HECTD4: variants seen among roughly 807,000 people sequenced by gnomAD.
HECTD4 encodes HECT domain E3 ubiquitin protein ligase 4.
A neutral mutation model predicts 471.5 loss-of-function variants in HECTD4; 114 were observed. The observed-to-expected ratio is 0.24, with a 90% CI of 0.21 to 0.28. The LOEUF is 0.28. Ranked by LOEUF, HECTD4 falls within the 10% of genes least tolerant of loss-of-function variation. The pLI, the probability that HECTD4 is intolerant of heterozygous loss-of-function variation, is 1.00. For synonymous variants in HECTD4, 2,012 were observed against 2,256.0 expected (o/e 0.89, Z 3.07); for missense variants, 3,866 against 5,651.5 (o/e 0.68, Z 10.13).
chr12:112,246,906 G>A lies in HECTD4; in HGVS notation c.4508C>T (p.Thr1503Ile). 5 of 1,611,864 alleles carry A rather than the reference G, an allele frequency of 3.1e-6. No homozygotes were observed. The highest frequency in any genetic ancestry group is 4.2e-6 in the Non-Finnish European group (5 of 1,179,684). ...GGGCTATCTTTGAGCAGTACCTGGT[G>A]TTTCAGCAGGGGTCCCAGAGATGCT... ...TRSISGTPAETPACKSASETK... is the reference protein window; with the variant it reads ...TRSISGTPAEIPACKSASETK... The change falls in exon 29 of 76, where the codon ACA becomes ATA. Residue 1503 changes from threonine to isoleucine, a missense_variant. Thr to Ile is a moderately conservative substitution (Grantham distance 89). Transcript: ENST00000682272.
At position 112,228,609 on chromosome 12, in the gene HECTD4, T is replaced by G. The variant is rs1157268605; in HGVS notation, c.6684+38A>C. ...AGACTCATTACAGTACAGTTACCAT[T>G]GGCAGACATTTTACAAAGCATTTAA... On this transcript the variant is annotated intron_variant, in intron 42 of 75. Coordinates refer to ENST00000682272, the MANE Select transcript of HECTD4 (RefSeq NM_001388303.1). The surrounding 1 kb of genome is among the most constrained non-coding windows in gnomAD (Gnocchi z 4.9). 1 of 1,568,362 alleles carries G rather than the reference T, an allele frequency of 6.4e-7. No individual in the cohort carries two copies. Among genetic ancestry groups the G allele is most frequent in the African/African-American group, 1.4e-5 (1 of 73,280 alleles).
intron 1 of HECTD4, among the ~76,000 whole-genome samples, chr12:112,360,082 A>G (rs1365653793): frequency 6.6e-6 from 1 of 152,248 alleles, no homozygotes; most frequent in African/African-American, 2.4e-5. Context: ...ACCACTGTCT[A>G]GAAAGTATTT....
At position 112,164,091 on chromosome 12, in the gene HECTD4, A is replaced by T. The variant is rs375061280; in HGVS notation, c.12701+18T>A. On this transcript the variant is annotated intron_variant, in intron 73 of 75. Transcript: ENST00000682272. ...CCGGGCCAGCCCCTGCCAGCCCCTG[A>T]CACGCGCACACACTCACGCCACAAG... 8 of 1,446,006 alleles carry T rather than the reference A, an allele frequency of 5.5e-6. No homozygotes were observed. The highest frequency in any genetic ancestry group is 4.6e-6 in the Non-Finnish European group (5 of 1,090,420). The allele number at this position is 1,446,006 out of a possible 1,614,324, so 89.6% of individuals were successfully genotyped here.
At chr12:112,181,603 C>T (rs542402271) in intron 62 of HECTD4, among the ~76,000 whole-genome samples, 1 of 152,300 alleles carries the variant, frequency 6.6e-6, no homozygotes, top group Admixed American at 6.5e-5. Context: ...GCTGGGACTA[C>T]AGGCATACGC....
chr12:112,344,247 T>C (rs899505618), intron 1 of HECTD4, among the ~76,000 whole-genome samples: 2 of 152,238 alleles, frequency 1.3e-5, no homozygotes, highest in African/African-American at 2.4e-5. Context: ...CAACCCTTAA[T>C]GGCTTTAAGG....
rs182988382 is a variant in HECTD4, at chr12:112,353,568, T to C, written c.177+28384A>G. Among the ~76,000 whole-genome samples, 312 of 152,242 alleles carry C rather than the reference T, an allele frequency of 2.0e-3. 2 individuals are homozygous for C. The highest frequency in any genetic ancestry group is 7.2e-3 in the African/African-American group (298 of 41,540). On this transcript the variant is annotated intron_variant, in intron 1 of 75. Coordinates refer to ENST00000682272, the MANE Select transcript of HECTD4 (RefSeq NM_001388303.1). ...ACTACAGGCGGGGTGTGGTGGCTCATGCCTGTAATCCCAGACTTTGGGAGA... is the reference window on the plus strand; with the variant it reads ...ACTACAGGCGGGGTGTGGTGGCTCACGCCTGTAATCCCAGACTTTGGGAGA...
chr12:112,216,490 G>T, intron 47 of HECTD4, 119 bp from the exon 48 acceptor site: 2 of 714,334 alleles, frequency 2.8e-6, no homozygotes, highest in Non-Finnish European at 4.8e-6. Context: ...GATTATTATA[G>T]TATCACTTTA....
chr12:112,163,526 G>A lies in HECTD4; in HGVS notation c.12897+16C>T, dbSNP rs1312551891. 11 of 1,453,430 alleles carry A rather than the reference G, an allele frequency of 7.6e-6. No homozygotes were observed. In the East Asian group the frequency reaches 1.0e-4, roughly 13 times the overall value. 90.0% of individuals were successfully genotyped at this position (1,453,430 alleles called of 1,614,324 possible). ...GCTCACCACCTCCCCGCCCAGCCTG[G>A]CCCTGGGATGTCTACCTTGAGGAAC... is the stretch of plus-strand genomic sequence containing the variant. On this transcript the variant is annotated intron_variant, in intron 74 of 75. Coordinates refer to ENST00000682272, the MANE Select transcript of HECTD4 (RefSeq NM_001388303.1). The surrounding 1 kb of genome is among the most constrained non-coding windows in gnomAD (Gnocchi z 8.2).
At chr12:112,208,651 A>G in intron 50 of HECTD4, 21 bp from the exon 51 acceptor site, 1 of 1,525,676 alleles carries the variant, frequency 6.6e-7, no homozygotes, top group Non-Finnish European at 8.8e-7. Context: ...GCACAAGGAC[A>G]GCGAATTCTA....
At chr12:112,223,569 C>G (rs117095172) in intron 44 of HECTD4, among the ~76,000 whole-genome samples, 3,455 of 152,110 alleles carry the variant, frequency 0.023, 57 homozygotes, top group Non-Finnish European at 0.038. Flanking sequence ...ACAGGCACAC[C>G]CCACCATATC....
intron 34 of HECTD4, among the ~76,000 whole-genome samples, chr12:112,238,841 CA>C (rs1361241009): frequency 1.6e-4 from 24 of 152,214 alleles, no homozygotes; most frequent in Non-Finnish European, 3.5e-4. Context: ...CTTCAGGGTA[CA>C]GGGATATCAT....
intron 1 of HECTD4, among the ~76,000 whole-genome samples, chr12:112,330,139 T>A (rs2035819772): frequency 6.6e-6 from 1 of 151,764 alleles, no homozygotes; most frequent in African/African-American, 2.4e-5. Flanking sequence ...TAGCCGGGCG[T>A]GGTGATGGGC....
At chr12:112,352,747 C>T (rs2036268209) in intron 1 of HECTD4, among the ~76,000 whole-genome samples, 1 of 152,070 alleles carries the variant, frequency 6.6e-6, no homozygotes, top group South Asian at 2.1e-4. Context: ...GCTAAGACCA[C>T]ATGTATATGC....
chr12:112,242,217 C>T (rs1307858380), intron 32 of HECTD4, among the ~76,000 whole-genome samples: 1 of 152,080 alleles, frequency 6.6e-6, no homozygotes, highest in Admixed American at 6.5e-5. Context: ...AAAGCAAAAA[C>T]AAAAGCAATA....
chr12:112,240,136 G>C, intron 32 of HECTD4, 109 bp from the exon 33 acceptor site: 1 of 1,125,890 alleles, frequency 8.9e-7, no homozygotes, highest in Non-Finnish European at 1.3e-6. Context: ...ATCCAGAACT[G>C]AAGGGATCTT....
In HECTD4 at chr12:112,265,172, T is replaced by C. The variant is rs2034239138; in HGVS notation, c.2619+3A>G. 6.3e-6 allele frequency: 10 copies of C among 1,590,312 alleles called. No homozygotes were observed. The highest frequency in any genetic ancestry group is 8.5e-6 in the Non-Finnish European group (10 of 1,171,678). On this transcript the variant is annotated splice_donor_region_variant and intron_variant, in intron 16 of 75. Transcript: ENST00000682272. The stretch of plus-strand genomic sequence containing the variant: ...TGCTTTCATTAAACACATTTTTACT[T>C]ACAGGCACAGTTGAAAGGAGCTTTT...
At position 112,277,407 on chromosome 12, in the gene HECTD4, G is replaced by A. The variant is rs371887265; in HGVS notation, c.1687+1821C>T. On this transcript the variant is annotated intron_variant, in intron 9 of 75. Transcript: ENST00000682272. ...CCGCCATGATTGTAAGTTTCCTAAG[G>A]CCTCTCCAGCAATGCGCAACTGATG... 2.3e-4 allele frequency among the ~76,000 whole-genome samples: 35 copies of A among 152,208 alleles called. No homozygotes were observed. In the East Asian group the frequency reaches 6.0e-3, roughly 26 times the overall value.
At chr12:112,218,025 T>C (rs1333527313) in intron 45 of HECTD4, among the ~76,000 whole-genome samples, 2 of 151,990 alleles carry the variant, frequency 1.3e-5, no homozygotes. Context: ...CATTCTGTCA[T>C]CCAGGCTGCA....
intron 1 of HECTD4, among the ~76,000 whole-genome samples, chr12:112,354,760 A>C (rs1020229056): frequency 2.0e-5 from 3 of 151,998 alleles, no homozygotes; most frequent in Non-Finnish European, 4.4e-5. Flanking sequence ...CAAATCTCAA[A>C]TTATTTTGGG....
Sources: allele counts gnomAD v4.1 joint callset (sites outside exome capture counted in the v4.1 genomes callset), GRCh38; gene constraint gnomAD v4.1.1; non-coding constraint Gnocchi (gnomAD v3.1); transcripts MANE v1.5; gene names NCBI Gene and HGNC (gene_info 2026-07-23, HGNC 2026-07-21).